The following WNK2 variants were observed in gnomAD, a reference collection of about 807,000 sequenced individuals.
The protein encoded by WNK2 is WNK lysine deficient protein kinase 2, also known as serine/threonine-protein kinase WNK2.
In WNK2, 67 loss-of-function variants were observed where a neutral mutation model predicts 192.1. The ratio of observed to expected loss-of-function variants is 0.35; its 90% CI spans 0.29 to 0.43. WNK2 has a LOEUF of 0.43. Ranked by LOEUF, WNK2 falls within the 20% of genes least tolerant of loss-of-function variation. The pLI is 1.00. For synonymous variants in WNK2, 1,439 were observed against 1,393.9 expected (o/e 1.03, Z -0.72); for missense variants, 2,698 against 3,089.7 (o/e 0.87, Z 3.01).
At chr9:93,200,876 G>T (rs1832220875) in intron 2 of WNK2, among the ~76,000 whole-genome samples, 1 of 152,050 alleles carries the variant, frequency 6.6e-6, no homozygotes, top group Non-Finnish European at 1.5e-5. Flanking sequence ...TGGGGAAAAG[G>T]GCAAAAACCT....
rs1187473334 is a variant in WNK2 at position 93,256,974 on chromosome 9, C to T, written c.2217C>T (p.Pro739=). 1.9e-6 allele frequency: 3 copies of T among 1,586,734 alleles called. No homozygotes were observed. Among genetic ancestry groups the T allele is most frequent in the Admixed American group, 1.7e-5 (1 of 57,652 alleles). The stretch of plus-strand genomic sequence containing the variant: ...CTCCTCCGCTGGCCCAGCCGACACC[C>T]CTGCCGCAGGTCCTGGCCCCACAGC... The part of the protein sequence containing the change: ...QQPPPLAQPT[P]LPQVLAPQPV... Residue 739 remains proline, a synonymous_variant, in exon 11 of 30, where the codon CCC becomes CCT. Coordinates refer to ENST00000427277, the MANE Select transcript of WNK2 (RefSeq NM_006648.4).
chr9:93,302,657 G>T (rs1286194946), intron 26 of WNK2, among the ~76,000 whole-genome samples: 3 of 152,228 alleles, frequency 2.0e-5, no homozygotes, highest in Non-Finnish European at 4.4e-5. Context: ...GGCTGCGGGT[G>T]CCCAGGTGGC....
In WNK2 at chr9:93,298,061, A is replaced by G. The variant is rs1850913222; in HGVS notation, c.5917A>G (p.Ser1973Gly). 2 of 1,549,808 alleles carry G rather than the reference A, an allele frequency of 1.3e-6. No individual in the cohort carries two copies. Among genetic ancestry groups the G allele is most frequent in the Admixed American group, 2.0e-5 (1 of 51,042 alleles). ...GCGGCAGCTCAAGGTCGTGGCCTCC[A>G]GCACAGGTCGGCCTCCGGGTGCAGG... ...LVRQLKVVAS[S>G]TGHLADSSRG... The change falls in exon 24 of 30, where the codon AGC (serine) becomes GGC (glycine). Residue 1973 changes from serine (S) to glycine (G), a missense_variant. Transcript: ENST00000427277.
At chr9:93,288,103 A>G (rs892797374) in intron 19 of WNK2, among the ~76,000 whole-genome samples, 3 of 152,184 alleles carry the variant, frequency 2.0e-5, no homozygotes, top group African/African-American at 7.2e-5. Flanking sequence ...TCCAAGGCCA[A>G]GTTTGAGAAA....
rs2133822212 is a variant in WNK2 at position 93,289,996 on chromosome 9, GC to G, written c.4890del (p.Thr1631LeufsTer5). The G allele has an allele frequency of 6.3e-7, 1 of 1,576,940 alleles. No homozygotes were observed. Among genetic ancestry groups the G allele is most frequent in the Non-Finnish European group, 8.6e-7 (1 of 1,160,226 alleles). On this transcript the variant is annotated frameshift_variant, in exon 21 of 30. Transcript: ENST00000427277. LOFTEE classifies it high-confidence loss of function. ...TCTCCAGGTGGAGAAGTCAGAACTGGCCCCCACTCGAGGGGCCGTGATGGAG... is the reference window on the plus strand; with the variant it reads ...TCTCCAGGTGGAGAAGTCAGAACTGGCCCCACTCGAGGGGCCGTGATGGAG... Reference protein sequence around the residue: ...PQPLVEKSELAPTRGAVMEQG... With the variant: ...PQPLVEKSELXPTRGAVMEQG...
chr9:93,192,168 G>T (rs1830445053), intron 2 of WNK2, among the ~76,000 whole-genome samples: 1 of 152,080 alleles, frequency 6.6e-6, no homozygotes, highest in Non-Finnish European at 1.5e-5. Flanking sequence ...ACAAAAATTA[G>T]CTGGGCGTGG....
chr9:93,218,051 T>C (rs1170040681), intron 2 of WNK2, among the ~76,000 whole-genome samples: 1 of 151,990 alleles, frequency 6.6e-6, no homozygotes, highest in Admixed American at 6.6e-5. Flanking sequence ...GGGAAGGGCC[T>C]GCCTTCGAGG....
At position 93,185,162 on chromosome 9, in the gene WNK2, T is replaced by A. The variant is rs1476374347; in HGVS notation, c.233T>A (p.Leu78His). ...CCCCTGCAGCGCCGGGTGCTTCTGCTCTGCAAGACGCGCCGCCTCATCGCG... is the reference window on the plus strand; with the variant it reads ...CCCCTGCAGCGCCGGGTGCTTCTGCACTGCAAGACGCGCCGCCTCATCGCG... Reference protein sequence around the residue: ...PQPLQRRVLLLCKTRRLIAER... With the variant: ...PQPLQRRVLLHCKTRRLIAER... Residue 78 changes from leucine to histidine, a missense_variant, in exon 2 of 30, where the codon CTC becomes CAC. By Grantham distance (99) the Leu-to-His change is moderately conservative. Transcript: ENST00000427277. 6 of 1,255,500 alleles carry A rather than the reference T, an allele frequency of 4.8e-6. No individual in the cohort carries two copies. The highest frequency in any genetic ancestry group is 1.6e-5 in the African/African-American group (1 of 62,850). The allele number at this position is 1,255,500 out of a possible 1,614,324, so 77.8% of individuals were successfully genotyped here. A position where few individuals can be genotyped will look rare whatever the true frequency, so the allele number is the denominator to read the frequency against.
At chr9:93,223,276 G>A (rs557874911) in intron 2 of WNK2, among the ~76,000 whole-genome samples, 6 of 152,154 alleles carry the variant, frequency 3.9e-5, no homozygotes, top group African/African-American at 7.2e-5. Context: ...TCCAAGTGGC[G>A]CCCCGTTGCC....
intron 2 of WNK2, among the ~76,000 whole-genome samples, chr9:93,223,454 C>A (rs1052060500): frequency 6.6e-6 from 1 of 152,232 alleles, no homozygotes; most frequent in Non-Finnish European, 1.5e-5. Flanking sequence ...GGTGCCCTGA[C>A]TGGTAATTTT....
chr9:93,217,477 T>G (rs1162045821), intron 2 of WNK2, among the ~76,000 whole-genome samples: 1 of 152,208 alleles, frequency 6.6e-6, no homozygotes, highest in Non-Finnish European at 1.5e-5. Context: ...CTGAGGTTTA[T>G]TTCAGGTATA....
chr9:93,255,343 C>T (rs1426207804), intron 9 of WNK2, among the ~76,000 whole-genome samples: 1 of 152,166 alleles, frequency 6.6e-6, no homozygotes, highest in African/African-American at 2.4e-5. Context: ...GCCACTTGCT[C>T]CAGGCTGCCA....
At chr9:93,211,777 A>G (rs898329040) in intron 2 of WNK2, among the ~76,000 whole-genome samples, 1 of 150,934 alleles carries the variant, frequency 6.6e-6, no homozygotes, top group Admixed American at 6.6e-5. Context: ...CCACTTACTC[A>G]TTCACTCTCA....
At chr9:93,191,464 A>G (rs952919663) in intron 2 of WNK2, among the ~76,000 whole-genome samples, 1 of 152,004 alleles carries the variant, frequency 6.6e-6, no homozygotes, top group Non-Finnish European at 1.5e-5. Context: ...TGAGACCTGG[A>G]AATGTATTGG....
In WNK2 at chr9:93,247,428, G is replaced by C. The variant is rs1841913595; in HGVS notation, c.1543-115G>C. ...CGGATTTTACATTCAGTGGCAGTGG[G>C]ATGGCGAGCGTGTCCTGCGTGGATG... On this transcript the variant is annotated intron_variant, in intron 7 of 29. Coordinates refer to ENST00000427277, the MANE Select transcript of WNK2 (RefSeq NM_006648.4). This position sits in a 1 kb window ranked among gnomAD's most constrained non-coding sequence, Gnocchi z 5.2. 1 of 1,221,660 alleles carries C rather than the reference G, an allele frequency of 8.2e-7. No individual in the cohort carries two copies. Among genetic ancestry groups the C allele is most frequent in the African/African-American group, 1.5e-5 (1 of 66,608 alleles). The allele number at this position is 1,221,660 out of a possible 1,614,324, so 75.7% of individuals were successfully genotyped here.
intron 10 of WNK2, chr9:93,256,733 G>T (rs1277677949): frequency 3.0e-6 from 2 of 671,228 alleles, no homozygotes; most frequent in Non-Finnish European, 2.5e-6. Flanking sequence ...AAGATCTGCT[G>T]TGCCCTGGCT....
chr9:93,299,101 C>A lies in WNK2; in HGVS notation c.5955C>A (p.Pro1985=). 1.2e-6 allele frequency: 2 copies of A among 1,611,154 alleles called. No homozygotes were observed. The highest frequency in any genetic ancestry group is 1.7e-6 in the Non-Finnish European group (2 of 1,179,566). ...TGGCTGACTCCAGCAGAGGCCCTCC[C>A]GCTAAGGACCCTGCCCAAGCCAGTG... ...GHLADSSRGP[P]AKDPAQASVG... The change falls in exon 25 of 30, where the codon CCC becomes CCA. Residue 1985 remains proline, a synonymous_variant. Coordinates refer to ENST00000427277, the MANE Select transcript of WNK2 (RefSeq NM_006648.4).
At chr9:93,194,165 T>C (rs534462640) in intron 2 of WNK2, among the ~76,000 whole-genome samples, 2 of 152,340 alleles carry the variant, frequency 1.3e-5, no homozygotes, top group East Asian at 3.9e-4. Flanking sequence ...GCAGTGACTT[T>C]AGATATAACA....
At chr9:93,200,336 G>T (rs983003072) in intron 2 of WNK2, among the ~76,000 whole-genome samples, 2 of 152,228 alleles carry the variant, frequency 1.3e-5, no homozygotes, top group Non-Finnish European at 2.9e-5. Flanking sequence ...GCTGGATATG[G>T]CTGGGTGATC....
Sources: gnomAD v4.1 joint callset for allele counts (sites outside exome capture counted in the v4.1 genomes callset) on GRCh38, gnomAD v4.1.1 for gene constraint, Gnocchi (gnomAD v3.1) non-coding constraint, MANE v1.5 for transcripts, NCBI Gene and HGNC (gene_info 2026-07-23, HGNC 2026-07-21) for gene names.